The following NTAQ1 variants were observed in gnomAD, a reference collection of about 807,000 sequenced individuals.
The protein encoded by NTAQ1 is protein N-terminal glutamine amidohydrolase.
Under a neutral mutation model 28.2 loss-of-function variants are expected in NTAQ1, and 21 were observed. The observed-to-expected ratio is 0.74, with a 90% confidence interval of 0.53 to 1.07. The LOEUF is 1.07. Ranked by LOEUF, NTAQ1 falls within the 50% of genes least tolerant of loss-of-function variation. The probability of loss-of-function intolerance (pLI) is 0.00; values close to 1 mark genes in which losing one functional copy is unlikely to be tolerated. For synonymous variants in NTAQ1, 105 were observed against 90.0 expected (o/e 1.17, Z -0.94); for missense variants, 264 against 256.6 (o/e 1.03, Z -0.20).
chr8:123,431,493 T>C lies in NTAQ1; in HGVS notation c.234+1460T>C, dbSNP rs116286306. Among the ~76,000 whole-genome samples the C allele has an allele frequency of 1.9e-3, 286 of 152,302 alleles. 1 individual carries two copies. Among genetic ancestry groups the C allele is most frequent in the African/African-American group, 6.6e-3 (275 of 41,566 alleles). The stretch of plus-strand genomic sequence containing the variant: ...ATTGGCTTCGCTCATTTATTTAACA[T>C]GTATATATTGAGTGTGTTTTATATG... On this transcript the variant is annotated intron_variant, in intron 3 of 5. Transcript: ENST00000287387.
At chr8:123,428,966 G>A (rs535589894) in intron 2 of NTAQ1, among the ~76,000 whole-genome samples, 2 of 151,928 alleles carry the variant, frequency 1.3e-5, no homozygotes, top group African/African-American at 4.8e-5. Flanking sequence ...GCTTAGAGAC[G>A]CATACTCTCA....
exon 7 of NTAQ1, among the ~76,000 whole-genome samples, chr8:123,468,690 A>G (rs376441093): frequency 1.3e-5 from 2 of 152,292 alleles, no homozygotes; most frequent in East Asian, 1.9e-4. Flanking sequence ...TCTCTGTGAG[A>G]TCTTGTTTTC....
At chr8:123,470,659 G>T (rs944577362), downstream of NTAQ1, among the ~76,000 whole-genome samples, 2 of 152,194 alleles carry the variant, frequency 1.3e-5, no homozygotes, top group African/African-American at 2.4e-5. Context: ...CATAAACTGG[G>T]TGCTTTTTAA....
At chr8:123,442,875 C>T (rs1815132886), downstream of NTAQ1, among the ~76,000 whole-genome samples, 1 of 150,538 alleles carries the variant, frequency 6.6e-6, no homozygotes, top group South Asian at 2.1e-4. Flanking sequence ...ACCACGTTGG[C>T]CAGGCTGGTC....
intron 6 of NTAQ1, among the ~76,000 whole-genome samples, chr8:123,459,921 C>T (rs1396043920): frequency 6.6e-6 from 1 of 151,886 alleles, no homozygotes; most frequent in Non-Finnish European, 1.5e-5. Context: ...CTGCCTCAGC[C>T]TCCCAAGTAG....
chr8:123,458,263 C>A (rs915828495), intron 6 of NTAQ1, among the ~76,000 whole-genome samples: 2 of 148,566 alleles, frequency 1.3e-5, no homozygotes, highest in Non-Finnish European at 3.0e-5. Flanking sequence ...CAAACAAACA[C>A]AACTTGAAAC....
intron 6 of NTAQ1, among the ~76,000 whole-genome samples, chr8:123,465,692 G>A (rs1209779011): frequency 2.2e-5 from 3 of 134,470 alleles, no homozygotes; most frequent in East Asian, 4.8e-4. Context: ...AGCAATTCTT[G>A]TGCCTCAGCT....
chr8:123,453,754 G>A (rs1363460413), intron 6 of NTAQ1, among the ~76,000 whole-genome samples: 2 of 152,108 alleles, frequency 1.3e-5, no homozygotes, highest in African/African-American at 2.4e-5. Flanking sequence ...CTCTTCATGT[G>A]TATGAACTCA....
intron 6 of NTAQ1, among the ~76,000 whole-genome samples, chr8:123,458,297 C>T (rs181367686): frequency 1.3e-5 from 2 of 150,928 alleles, no homozygotes; most frequent in Admixed American, 1.3e-4. Flanking sequence ...GATGTTCTCT[C>T]TGATCAAAGT....
At chr8:123,449,925 A>G, downstream of NTAQ1, among the ~76,000 whole-genome samples, 1 of 50,474 alleles carries the variant, frequency 2.0e-5, no homozygotes, top group Non-Finnish European at 4.1e-5. Flanking sequence ...GTGTGTATAT[A>G]TATATGTGTG....
At chr8:123,418,014 T>C (rs1029217795) in intron 1 of NTAQ1, among the ~76,000 whole-genome samples, 4 of 152,188 alleles carry the variant, frequency 2.6e-5, no homozygotes, top group African/African-American at 9.7e-5. Flanking sequence ...CTCCCTAATG[T>C]CCAGTCATTG....
chr8:123,416,913 G>A lies in NTAQ1; in HGVS notation c.64G>A (p.Val22Ile). ...GGCCAGCCCCCCGCGGGACGCCTGC[G>A]TCTACAGCAGCTGCTACTGGTGAGG... Reference protein sequence around the residue: ...QPASPPRDACVYSSCYCEENI... With the variant: ...QPASPPRDACIYSSCYCEENI... The change falls in exon 1 of 6, where the codon GTC becomes ATC. Residue 22 changes from valine (V) to isoleucine (I), a missense_variant. Physicochemically the swap from Val to Ile is conservative, Grantham distance 29 (BLOSUM62 3). Transcript: ENST00000287387. The A allele has an allele frequency of 6.6e-7, 1 of 1,520,166 alleles. No individual in the cohort carries two copies. Among genetic ancestry groups the A allele is most frequent in the Non-Finnish European group, 8.8e-7 (1 of 1,134,828 alleles). The allele number at this position is 1,520,166 out of a possible 1,614,324, so 94.2% of individuals were successfully genotyped here. A position where few individuals can be genotyped will look rare whatever the true frequency, so the allele number is the denominator to read the frequency against.
chr8:123,441,478 C>A lies in NTAQ1; in HGVS notation c.*63C>A, dbSNP rs1240255742. The A allele has an allele frequency of 7.8e-7, 1 of 1,287,832 alleles. No homozygotes were observed. Among genetic ancestry groups the A allele is most frequent in the Non-Finnish European group, 1.1e-6 (1 of 897,790 alleles). The allele number at this position is 1,287,832 out of a possible 1,614,324, so 79.8% of individuals were successfully genotyped here. A position where few individuals can be genotyped will look rare whatever the true frequency, so the allele number is the denominator to read the frequency against. On this transcript the variant is annotated 3_prime_UTR_variant, in exon 6 of 6. Transcript: ENST00000287387. ...GGACATGAACAAGCTATCCTTTCAT[C>A]GAGGACAGCAAACATTATGGTACAG...
At chr8:123,475,454 G>C in the NTAQ1 span, among the ~76,000 whole-genome samples, 2 of 151,948 alleles carry the variant, frequency 1.3e-5, no homozygotes, top group African/African-American at 4.8e-5. Flanking sequence ...ACAGAGTTTG[G>C]AAATATATGC....
rs558508271 is a variant in NTAQ1, at chr8:123,469,849, C to T, written c.*2699C>T. Among the ~76,000 whole-genome samples the T allele has an allele frequency of 8.5e-5, 13 of 152,298 alleles. 1 individual carries two copies. Among genetic ancestry groups the T allele is most frequent in the Admixed American group, 5.9e-4 (9 of 15,300 alleles). On this transcript the variant is annotated 3_prime_UTR_variant, in exon 7 of 7. Transcript: ENST00000650311. ...TGAGTCTATGCAGAATCTCGTCTTCCGTTAGAAGCATCAACAAACATGTAT... is the reference window on the plus strand; with the variant it reads ...TGAGTCTATGCAGAATCTCGTCTTCTGTTAGAAGCATCAACAAACATGTAT...
chr8:123,421,848 C>CT (rs1413617298), intron 1 of NTAQ1, among the ~76,000 whole-genome samples: 5 of 110,896 alleles, frequency 4.5e-5, no homozygotes, highest in East Asian at 3.2e-4. Flanking sequence ...ACCACCACAC[C>CT]CGGCTAATTT....
chr8:123,455,058 T>G (rs374564634), intron 6 of NTAQ1: 2 of 152,324 alleles, frequency 1.3e-5, no homozygotes, highest in East Asian at 3.9e-4. Flanking sequence ...TTAGCAATAA[T>G]CACGCCTCGG....
In NTAQ1 at chr8:123,441,561, A is replaced by G. The variant is rs1815071502; in HGVS notation, c.*146A>G. The G allele has an allele frequency of 2.9e-6, 2 of 684,490 alleles. No individual in the cohort carries two copies. The allele number at this position is 684,490 out of a possible 1,614,324, so 42.4% of individuals were successfully genotyped here. A position where few individuals can be genotyped will look rare whatever the true frequency, so the allele number is the denominator to read the frequency against. ...TGATTGAGTGGAAATCTGAGTGAATACAAATATAAATGAACAACATAAAAA... is the reference window on the plus strand; with the variant it reads ...TGATTGAGTGGAAATCTGAGTGAATGCAAATATAAATGAACAACATAAAAA... On this transcript the variant is annotated 3_prime_UTR_variant, in exon 6 of 6. Coordinates refer to ENST00000287387, the MANE Select transcript of NTAQ1 (RefSeq NM_018024.3).
chr8:123,444,958 G>C (rs1815215028), downstream of NTAQ1, among the ~76,000 whole-genome samples: 1 of 152,122 alleles, frequency 6.6e-6, no homozygotes, highest in African/African-American at 2.4e-5. Flanking sequence ...AGATATTATT[G>C]GAGCTTTTAA....
Sources: allele counts gnomAD v4.1 joint callset (sites outside exome capture counted in the v4.1 genomes callset), GRCh38; gene constraint gnomAD v4.1.1; transcripts MANE v1.5; gene names NCBI Gene and HGNC (gene_info 2026-07-23, HGNC 2026-07-21).